The following LARGE1 variants were observed in gnomAD, a reference collection of about 807,000 sequenced individuals.
LARGE1 encodes the protein LARGE xylosyl- and glucuronyltransferase 1, also known as xylosyl- and glucuronyltransferase LARGE1.
In LARGE1, 43 loss-of-function variants were observed where a neutral mutation model predicts 87.6. The observed-to-expected ratio is 0.49, with a 90% CI of 0.38 to 0.63. The LOEUF (loss-of-function observed/expected upper bound fraction) is 0.63, where lower values mean the gene tolerates loss of function less well. Among genes scored for constraint, LARGE1 ranks in the 30% least tolerant of loss-of-function variants. The probability of loss-of-function intolerance (pLI) is 0.00; values close to 1 mark genes in which losing one functional copy is unlikely to be tolerated. For missense variants in LARGE1, 802 were observed against 1,000.2 expected (o/e 0.80, Z 2.67); for synonymous variants, 434 against 394.6 (o/e 1.10, Z -1.18).
chr22:33,740,051 A>G (rs1014940366), intron 2 of LARGE1, among the ~76,000 whole-genome samples: 9 of 152,094 alleles, frequency 5.9e-5, no homozygotes, highest in Admixed American at 2.0e-4. Context: ...CATCTGACTG[A>G]TTGGGTTAAA....
intron 11 of LARGE1, among the ~76,000 whole-genome samples, chr22:33,212,889 G>T (rs1211374946): frequency 6.6e-6 from 1 of 152,048 alleles, no homozygotes; most frequent in Admixed American, 6.5e-5. Flanking sequence ...GTGGTGGTGG[G>T]CACCTGTAAT....
At chr22:33,532,474 AC>A (rs2076930503) in intron 6 of LARGE1, among the ~76,000 whole-genome samples, 1 of 152,248 alleles carries the variant, frequency 6.6e-6, no homozygotes. Flanking sequence ...TCTGTGCCAG[AC>A]ACTAATCCAT....
intron 11 of LARGE1, among the ~76,000 whole-genome samples, chr22:33,215,348 C>CT (rs995047980): frequency 2.2e-4 from 34 of 152,080 alleles, no homozygotes; most frequent in African/African-American, 8.2e-4. Context: ...AAGAGCATCA[C>CT]TTTATGTTTA....
intron 1 of LARGE1, among the ~76,000 whole-genome samples, chr22:33,844,837 C>T (rs1568980078): frequency 6.6e-6 from 1 of 151,730 alleles, no homozygotes; most frequent in Non-Finnish European, 1.5e-5. Context: ...TCTCCTGCCT[C>T]AGCCTCCTGA....
At chr22:33,824,714 A>G (rs1178011104) in intron 1 of LARGE1, among the ~76,000 whole-genome samples, 1 of 152,210 alleles carries the variant, frequency 6.6e-6, no homozygotes, top group African/African-American at 2.4e-5. Flanking sequence ...AATATGACCA[A>G]TTATAAAGTC....
rs76013727 is a variant in LARGE1, at chr22:33,323,762, A to G, written c.1288-7514T>C. 5.6e-3 allele frequency among the ~76,000 whole-genome samples: 860 copies of G among 152,306 alleles called. 7 individuals carry two copies. The highest frequency in any genetic ancestry group is 0.014 in the Middle Eastern group (4 of 294). ...TTCTGTAGTTAACTAATTCCCTGCA[A>G]TTTTCTCAAATGAGCTAATGCACGT... is the stretch of plus-strand genomic sequence containing the variant. On this transcript the variant is annotated intron_variant, in intron 10 of 14. Coordinates refer to ENST00000397394, the MANE Select transcript of LARGE1 (RefSeq NM_133642.5).
At chr22:33,749,535 G>T (rs546885436) in intron 2 of LARGE1, among the ~76,000 whole-genome samples, 1 of 152,266 alleles carries the variant, frequency 6.6e-6, no homozygotes, top group East Asian at 1.9e-4. Context: ...TGTCCTTGGG[G>T]GCTATGTTCC....
At chr22:33,228,588 C>T (rs1202358807) in intron 11 of LARGE1, among the ~76,000 whole-genome samples, 1 of 152,152 alleles carries the variant, frequency 6.6e-6, no homozygotes, top group Non-Finnish European at 1.5e-5. Flanking sequence ...AAATATTGGT[C>T]AAAGTCAGGA....
At chr22:33,210,447 T>C (rs556281270) in intron 11 of LARGE1, among the ~76,000 whole-genome samples, 2 of 152,366 alleles carry the variant, frequency 1.3e-5, no homozygotes, top group Admixed American at 1.3e-4. Flanking sequence ...CATGGTCTCC[T>C]GTCCTCTGCA....
chr22:33,711,025 G>GT (rs2149402577), intron 2 of LARGE1, among the ~76,000 whole-genome samples: 1 of 152,238 alleles, frequency 6.6e-6, no homozygotes, highest in African/African-American at 2.4e-5. Flanking sequence ...CCCCTACTGT[G>GT]TACGAGGCAC....
intron 2 of LARGE1, among the ~76,000 whole-genome samples, chr22:33,723,041 G>T (rs1016526443): frequency 2.6e-5 from 4 of 152,174 alleles, no homozygotes; most frequent in African/African-American, 9.7e-5. Context: ...GAAAGCCTTT[G>T]AACAGGGAGT....
chr22:33,812,129 A>T (rs1256106923), intron 1 of LARGE1, among the ~76,000 whole-genome samples: 1 of 152,228 alleles, frequency 6.6e-6, no homozygotes, highest in East Asian at 1.9e-4. Flanking sequence ...ACGATTAACA[A>T]CATGTACACA....
intron 6 of LARGE1, among the ~76,000 whole-genome samples, chr22:33,553,966 C>T (rs1358999859): frequency 5.9e-5 from 9 of 152,104 alleles, no homozygotes; most frequent in East Asian, 1.9e-4. Context: ...GTGATGGATC[C>T]GTGAGGCTCC....
chr22:33,602,145 T>C (rs2079129377), intron 5 of LARGE1, among the ~76,000 whole-genome samples: 1 of 152,178 alleles, frequency 6.6e-6, no homozygotes, highest in Non-Finnish European at 1.5e-5. Flanking sequence ...CCCATCTTAT[T>C]TCACCCCTTC....
intron 11 of LARGE1, among the ~76,000 whole-genome samples, chr22:33,182,058 G>A (rs895956372): frequency 1.3e-5 from 2 of 151,996 alleles, no homozygotes; most frequent in African/African-American, 4.8e-5. Flanking sequence ...CTGACCTCAA[G>A]TAATCTCCCC....
At chr22:33,381,353 TCA>T (rs2065149234) in intron 9 of LARGE1, among the ~76,000 whole-genome samples, 1 of 152,184 alleles carries the variant, frequency 6.6e-6, no homozygotes. Context: ...CCAGGTTCAT[TCA>T]CAGTGTTTGG....
At chr22:33,230,327 T>A (rs1440606711) in intron 11 of LARGE1, among the ~76,000 whole-genome samples, 1 of 152,004 alleles carries the variant, frequency 6.6e-6, no homozygotes, top group Non-Finnish European at 1.5e-5. Flanking sequence ...GCCTCAAAGT[T>A]CTCATGTAAA....
intron 9 of LARGE1, among the ~76,000 whole-genome samples, chr22:33,365,724 C>T (rs1433458591): frequency 1.3e-5 from 2 of 151,386 alleles, no homozygotes; most frequent in Non-Finnish European, 2.9e-5. Flanking sequence ...TCAAGAAATT[C>T]TCCTGCCTTA....
At chr22:33,070,892 A>G in the LARGE1 span, among the ~76,000 whole-genome samples, 1 of 152,164 alleles carries the variant, frequency 6.6e-6, no homozygotes, top group Non-Finnish European at 1.5e-5. Flanking sequence ...AAAGTGCAAC[A>G]ACAGAACAGG....
Sources: allele counts gnomAD v4.1 joint callset (sites outside exome capture counted in the v4.1 genomes callset), GRCh38; gene constraint gnomAD v4.1.1; transcripts MANE v1.5; gene names NCBI Gene and HGNC (gene_info 2026-07-23, HGNC 2026-07-21).